NRP1: variants seen among roughly 807,000 people sequenced by gnomAD.
NRP1 encodes the protein neuropilin-1.
A neutral mutation model predicts 106.7 loss-of-function variants in NRP1; 35 were observed. That is an observed-to-expected ratio of 0.33 (90% CI 0.25 to 0.43). NRP1 has a LOEUF of 0.43. Ranked by LOEUF, NRP1 falls within the 20% of genes least tolerant of loss-of-function variation. NRP1 has a pLI of 1.00. For missense variants in NRP1, 1,024 were observed against 1,170.4 expected, an observed-to-expected ratio of 0.87 and a Z score of 1.83; for synonymous variants, 437 against 417.9, an observed-to-expected ratio of 1.05 and a Z score of -0.56.
chr10:33,249,083 T>TG lies in NRP1; in HGVS notation c.981+4944dup, dbSNP rs1491159720. 1.5e-3 allele frequency among the ~76,000 whole-genome samples: 195 copies of TG among 134,072 alleles called. 1 individual carries two copies. The highest frequency in any genetic ancestry group is 5.3e-3 in the African/African-American group (184 of 34,708). 88.0% of individuals were successfully genotyped at this position (134,072 alleles called of 152,430 possible). ...TATCCCACCCAGGTATTATGTCTCT[T>TG]GTTTTTTTTTTTTTTTTTTTTTTTT... On this transcript the variant is annotated intron_variant, in intron 6 of 16. Coordinates refer to ENST00000374867, the MANE Select transcript of NRP1 (RefSeq NM_003873.7).
Position 33,255,770 on chromosome 10 carries a change from A to T in NRP1, c.814+546T>A, listed in dbSNP as rs937403653. Among the ~76,000 whole-genome samples the T allele has an allele frequency of 1.1e-4, 17 of 151,966 alleles. No homozygotes were observed. In the South Asian group the frequency reaches 1.9e-3, roughly 17 times the overall value. ...CTGGCCTTATTCTTTGTTCTTTCAGATTTTTTTTCTTGGGCCTTTAAAAGA... is the reference window on the plus strand; with the variant it reads ...CTGGCCTTATTCTTTGTTCTTTCAGTTTTTTTTTCTTGGGCCTTTAAAAGA... On this transcript the variant is annotated intron_variant, in intron 5 of 16. Transcript: ENST00000374867.
At chr10:33,202,453 C>A in intron 11 of NRP1, 1 of 660,168 alleles carries the variant, frequency 1.5e-6, no homozygotes, top group Non-Finnish European at 2.3e-6. Context: ...AAATATAAGC[C>A]TAACTTTATC....
intron 16 of NRP1, 151 bp downstream of exon 16, chr10:33,182,547 T>A (rs1165682424): frequency 4.9e-6 from 3 of 616,890 alleles, no homozygotes; most frequent in Non-Finnish European, 8.5e-6. Context: ...CACAATCCGA[T>A]CCACAGCACC....
chr10:33,194,043 A>G (rs1490278694), intron 12 of NRP1, among the ~76,000 whole-genome samples: 1 of 152,204 alleles, frequency 6.6e-6, no homozygotes, highest in East Asian at 1.9e-4. Context: ...CTGTAGTGTC[A>G]TCGGAGAGAT....
chr10:33,272,498 A>T (rs1169660822), intron 2 of NRP1, among the ~76,000 whole-genome samples: 1 of 152,012 alleles, frequency 6.6e-6, no homozygotes, highest in East Asian at 1.9e-4. Flanking sequence ...AAGGAGGAGG[A>T]GGAGAAAGAG....
chr10:33,290,150 T>C (rs4934863), intron 2 of NRP1, among the ~76,000 whole-genome samples: 93,942 of 151,684 alleles, frequency 0.62, 29,423 homozygotes, highest in East Asian at 0.68. Flanking sequence ...ATGTATAGAA[T>C]GCCTATATGT....
chr10:33,296,040 G>A (rs1845360489), intron 2 of NRP1, among the ~76,000 whole-genome samples: 1 of 152,192 alleles, frequency 6.6e-6, no homozygotes, highest in African/African-American at 2.4e-5. Context: ...GGATTAGTGT[G>A]TAAAGTTGCT....
At chr10:33,221,681 G>A (rs900729796) in intron 8 of NRP1, 38 bp downstream of exon 8, 5 of 1,585,552 alleles carry the variant, frequency 3.2e-6, no homozygotes, top group African/African-American at 2.7e-5. Context: ...GACAATCTTC[G>A]ACTTGGAAGA....
chr10:33,278,339 C>A (rs546051861), intron 2 of NRP1, among the ~76,000 whole-genome samples: 1 of 152,102 alleles, frequency 6.6e-6, no homozygotes. Context: ...AAAATAAGCA[C>A]AAGTTCCAAA....
intron 4 of NRP1, among the ~76,000 whole-genome samples, chr10:33,260,416 T>C (rs11009325): frequency 0.033 from 4,987 of 152,232 alleles, 138 homozygotes; most frequent in African/African-American, 0.081. Flanking sequence ...CAGAACTCAA[T>C]CTAGCTTTTA....
chr10:33,255,438 CA>C (rs1842132537), intron 5 of NRP1, among the ~76,000 whole-genome samples: 1 of 152,106 alleles, frequency 6.6e-6, no homozygotes, highest in South Asian at 2.1e-4. Flanking sequence ...ATTGCACAAA[CA>C]ATTTTTTCTT....
At chr10:33,303,068 C>G (rs1294175924) in intron 2 of NRP1, among the ~76,000 whole-genome samples, 1 of 152,204 alleles carries the variant, frequency 6.6e-6, no homozygotes, top group South Asian at 2.1e-4. Context: ...AGGCAAAAAG[C>G]TGTCCCTCAA....
At chr10:33,251,742 G>A (rs1939662429) in intron 6 of NRP1, among the ~76,000 whole-genome samples, 3 of 152,126 alleles carry the variant, frequency 2.0e-5, no homozygotes, top group African/African-American at 4.8e-5. Flanking sequence ...ATTGCCTTGC[G>A]CAGAAGAATT....
At chr10:33,217,257 T>C (rs533138443) in intron 8 of NRP1, among the ~76,000 whole-genome samples, 85 of 152,278 alleles carry the variant, frequency 5.6e-4, no homozygotes, top group Admixed American at 4.0e-3. Flanking sequence ...CTTTCTCTAA[T>C]GCAGACTCGG....
chr10:33,201,052 A>T (rs752627053), intron 11 of NRP1: 4 of 152,208 alleles, frequency 2.6e-5, no homozygotes, highest in Non-Finnish European at 4.4e-5. Flanking sequence ...AAAAGAAAAA[A>T]TCAGAATGAA....
chr10:33,265,025 G>T (rs1032375093), intron 3 of NRP1, among the ~76,000 whole-genome samples: 3 of 152,018 alleles, frequency 2.0e-5, no homozygotes, highest in African/African-American at 7.3e-5. Flanking sequence ...CAGGAGAATT[G>T]CTTGAACCCG....
intron 16 of NRP1, among the ~76,000 whole-genome samples, chr10:33,181,450 T>G (rs1380626412): frequency 1.3e-5 from 2 of 152,192 alleles, no homozygotes; most frequent in African/African-American, 4.8e-5. Flanking sequence ...CGGCTGGCCA[T>G]AGAGTAGGAT....
intron 2 of NRP1, among the ~76,000 whole-genome samples, chr10:33,330,164 C>T (rs1445830733): frequency 6.6e-6 from 1 of 152,188 alleles, no homozygotes; most frequent in Non-Finnish European, 1.5e-5. Flanking sequence ...CAAAACCCCT[C>T]ATCTGGCTTA....
At chr10:33,270,946 T>A (rs1392601626) in intron 2 of NRP1, 90 bp from the exon 3 acceptor site, 51 of 1,173,820 alleles carry the variant, frequency 4.3e-5, no homozygotes, top group Non-Finnish European at 5.7e-5. Context: ...TCCAGCATAG[T>A]GTGCCAGGAA....
Sources: gnomAD v4.1 joint callset for allele counts (sites outside exome capture counted in the v4.1 genomes callset) on GRCh38, gnomAD v4.1.1 for gene constraint, MANE v1.5 for transcripts, NCBI Gene and HGNC (gene_info 2026-07-23, HGNC 2026-07-21) for gene names.